The following COL6A6 variants were observed in gnomAD, a reference collection of about 807,000 sequenced individuals.
The protein encoded by COL6A6 is collagen type VI alpha 6 chain.
In COL6A6, 183 loss-of-function variants were observed where a neutral mutation model predicts 208.6. The ratio of observed to expected loss-of-function variants is 0.88; its 90% confidence interval spans 0.78 to 0.99. The LOEUF (loss-of-function observed/expected upper bound fraction) is 0.99. Ranked by LOEUF, COL6A6 falls within the 50% of genes least tolerant of loss-of-function variation. COL6A6 has a pLI of 0.00. For missense variants in COL6A6, 2,816 were observed against 2,815.2 expected (o/e 1.00, Z -0.01); for synonymous variants, 973 against 1,011.8 (o/e 0.96, Z 0.73).
chr3:130,622,812 G>A (rs1317716419), intron 24 of COL6A6, among the ~76,000 whole-genome samples: 5 of 151,952 alleles, frequency 3.3e-5, no homozygotes, highest in South Asian at 2.1e-4. Context: ...AGCTGAGATC[G>A]CACCACCGCA....
intron 1 of COL6A6, among the ~76,000 whole-genome samples, chr3:130,542,393 T>C (rs1192933286): frequency 6.6e-6 from 1 of 152,180 alleles, no homozygotes; most frequent in East Asian, 1.9e-4. Context: ...GAGCAGACAT[T>C]GTATGATTCC....
In COL6A6 at chr3:130,586,566, A is replaced by G. The variant is rs369249026; in HGVS notation, c.4031A>G (p.Asp1344Gly). ...CCTGCTGATTCAAGTGACTTGGCTG[A>G]TCTTCCCTATATTGAATTTGGGAAA... ...DGPADSSDLA[D>G]LPYIEFGKGF... Residue 1344 changes from aspartate to glycine, a missense_variant, in exon 11 of 37, where the codon GAT becomes GGT. By Grantham distance (94) the Asp-to-Gly change is moderately conservative. Transcript: ENST00000358511. The G allele has an allele frequency of 1.9e-6, 3 of 1,613,844 alleles. No individual in the cohort carries two copies. In the African/African-American group the frequency reaches 4.0e-5, roughly 22 times the overall value.
At chr3:130,564,898 A>C in intron 3 of COL6A6, 96 bp from the exon 4 acceptor site, 1 of 1,367,384 alleles carries the variant, frequency 7.3e-7, no homozygotes, top group Non-Finnish European at 1.0e-6. Context: ...TAAGTGCATA[A>C]CTGAGCTCTG....
intron 36 of COL6A6, among the ~76,000 whole-genome samples, chr3:130,668,385 G>A (rs1052421596): frequency 1.3e-5 from 2 of 152,074 alleles, no homozygotes; most frequent in Non-Finnish European, 2.9e-5. Flanking sequence ...GGCTGAGGCA[G>A]GAGAATCGCT....
intron 15 of COL6A6, 123 bp downstream of exon 15, chr3:130,592,845 A>G: frequency 1.0e-6 from 1 of 997,634 alleles, no homozygotes; most frequent in Non-Finnish European, 1.5e-6. Context: ...TTTTATTGCC[A>G]GCCATTTCAT....
Position 130,565,441 on chromosome 3 carries a change from C to G in COL6A6, c.1109C>G (p.Ala370Gly). The change falls in exon 4 of 37, where the codon GCC (alanine) becomes GGC (glycine). Residue 370 changes from alanine (A) to glycine (G), a missense_variant. Transcript: ENST00000358511. ...VTIFTLGIEG[A>G]SDTQLEKIAS... The stretch of plus-strand genomic sequence containing the variant: ...ATCTTCACCCTGGGCATAGAGGGCG[C>G]CAGCGACACCCAGTTGGAAAAGATA... The G allele has an allele frequency of 6.2e-7, 1 of 1,613,880 alleles. No individual in the cohort carries two copies. Among genetic ancestry groups the G allele is most frequent in the South Asian group, 1.1e-5 (1 of 91,070 alleles).
At chr3:130,592,823 T>A (rs907107232) in intron 15 of COL6A6, 101 bp downstream of exon 15, 33 of 1,171,270 alleles carry the variant, frequency 2.8e-5, no homozygotes, top group Admixed American at 4.5e-5. Flanking sequence ...AAAGTTGTCA[T>A]TGACTTTCCT....
Position 130,662,304 on chromosome 3 carries a change from C to T in COL6A6, c.6498C>T (p.Ile2166=). The change falls in exon 35 of 37, where the codon ATC becomes ATT. Residue 2166 remains isoleucine (I), a synonymous_variant. Transcript: ENST00000358511. The stretch of plus-strand genomic sequence containing the variant: ...TTGTGAAGTCCTTTATAAACTCAAT[C>T]AGGCGTAAGTCATAAAATCTGTTGT... ...VKFVKSFINS[I]RRAINKYPPI... 1 of 1,611,726 alleles carries T rather than the reference C, an allele frequency of 6.2e-7. No homozygotes were observed. Among genetic ancestry groups the T allele is most frequent in the Non-Finnish European group, 8.5e-7 (1 of 1,178,454 alleles).
intron 4 of COL6A6, 41 bp from the exon 5 acceptor site, chr3:130,566,661 C>G (rs754994346): frequency 8.0e-6 from 12 of 1,496,748 alleles, no homozygotes; most frequent in Non-Finnish European, 1.1e-5. Context: ...CTTCTTCATG[C>G]TTGCTCAAAT....
chr3:130,518,122 C>T (rs1317574676), intron 1 of COL6A6, among the ~76,000 whole-genome samples: 2 of 152,112 alleles, frequency 1.3e-5, no homozygotes, highest in Non-Finnish European at 2.9e-5. Flanking sequence ...AAGGATTTCT[C>T]ATTCTCTTGT....
chr3:130,535,020 A>G (rs2062190246), intron 1 of COL6A6, among the ~76,000 whole-genome samples: 1 of 152,036 alleles, frequency 6.6e-6, no homozygotes, highest in Non-Finnish European at 1.5e-5. Flanking sequence ...TACCTCCTCA[A>G]GTCAAGTCTT....
intron 23 of COL6A6, among the ~76,000 whole-genome samples, chr3:130,620,114 GT>G (rs904081510): frequency 6.7e-6 from 1 of 150,292 alleles, no homozygotes; most frequent in African/African-American, 2.5e-5. Context: ...CTTGAGTTTT[GT>G]TTTGTTTTTT....
Position 130,676,801 on chromosome 3 carries a change from T to C in COL6A6, c.*1404T>C, listed in dbSNP as rs372141833. On this transcript the variant is annotated 3_prime_UTR_variant, in exon 37 of 37. Coordinates refer to ENST00000358511, the MANE Select transcript of COL6A6 (RefSeq NM_001102608.3). Reference sequence around the variant, plus strand: ...AAATGTCACATTCATACTCAGGTAATAGAGAAGAATAAAACACATCAGGTT... The same window carrying C: ...AAATGTCACATTCATACTCAGGTAACAGAGAAGAATAAAACACATCAGGTT... 1.3e-5 allele frequency: 2 copies of C among 152,196 alleles called. No homozygotes were observed. The highest frequency in any genetic ancestry group is 2.9e-5 in the Non-Finnish European group (2 of 68,032). The allele number at this position is 152,196 out of a possible 1,614,324, so 9.4% of individuals were successfully genotyped here. A position where few individuals can be genotyped will look rare whatever the true frequency, so the allele number is the denominator to read the frequency against.
Position 130,662,227 on chromosome 3 carries a change from C to G in COL6A6, c.6421C>G (p.Leu2141Val). 1 of 1,614,018 alleles carries G rather than the reference C, an allele frequency of 6.2e-7. No individual in the cohort carries two copies. The highest frequency in any genetic ancestry group is 1.1e-5 in the South Asian group (1 of 91,086). ...DLASHPLDHH[L>V]VQLGRIHKPD... ...CGCCAGCCACCCTTTGGATCACCAC[C>G]TGGTCCAGCTTGGCCGAATTCATAA... is the stretch of plus-strand genomic sequence containing the variant. Residue 2141 changes from leucine to valine, a missense_variant, in exon 35 of 37, where the codon CTG becomes GTG. Coordinates refer to ENST00000358511, the MANE Select transcript of COL6A6 (RefSeq NM_001102608.3).
intron 11 of COL6A6, among the ~76,000 whole-genome samples, chr3:130,587,120 CA>C (rs1314911447): frequency 6.6e-6 from 1 of 152,154 alleles, no homozygotes; most frequent in Non-Finnish European, 1.5e-5. Context: ...TAAATGAAAG[CA>C]AATTACATTT....
rs750279325 is a variant in COL6A6, at chr3:130,649,197, C to T, written c.5368C>T (p.Arg1790Trp). The T allele has an allele frequency of 3.1e-5, 50 of 1,593,704 alleles. 1 individual carries two copies. The highest frequency in any genetic ancestry group is 1.7e-4 in the Middle Eastern group (1 of 6,056). Residue 1790 changes from arginine (R) to tryptophan (W), a missense_variant, in exon 33 of 37, where the codon CGG becomes TGG. Physicochemically the swap from Arg to Trp is moderately radical, Grantham distance 101 (BLOSUM62 -3). Coordinates refer to ENST00000358511, the MANE Select transcript of COL6A6 (RefSeq NM_001102608.3). ...MAFLVRDIKV[R>W]ENSCPVGAHI... ...TTTCCTGGTGAGAGACATTAAGGTC[C>T]GGGAGAACAGCTGCCCCGTGGGAGC...
chr3:130,604,696 T>G (rs1016757216), intron 20 of COL6A6, among the ~76,000 whole-genome samples: 2 of 152,054 alleles, frequency 1.3e-5, no homozygotes, highest in Non-Finnish European at 2.9e-5. Context: ...ACTCAATAAA[T>G]ATGTGTTACA....
At chr3:130,553,224 A>G (rs1051984683) in intron 1 of COL6A6, among the ~76,000 whole-genome samples, 1 of 152,178 alleles carries the variant, frequency 6.6e-6, no homozygotes, top group Admixed American at 6.5e-5. Flanking sequence ...TTCATGGATG[A>G]CATCCTGAAA....
At chr3:130,651,101 G>A (rs982740222) in intron 33 of COL6A6, among the ~76,000 whole-genome samples, 1 of 152,222 alleles carries the variant, frequency 6.6e-6, no homozygotes, top group Non-Finnish European at 1.5e-5. Flanking sequence ...ATGCAACACT[G>A]CATTAGTGCC....
Sources: allele counts gnomAD v4.1 joint callset (sites outside exome capture counted in the v4.1 genomes callset), GRCh38; gene constraint gnomAD v4.1.1; transcripts MANE v1.5; gene names NCBI Gene and HGNC (gene_info 2026-07-23, HGNC 2026-07-21).